Variants in CARMIL1 observed in about 807,000 individuals in gnomAD.
The protein encoded by CARMIL1 is capping protein regulator and myosin 1 linker 1.
CARMIL1 carries 90 observed loss-of-function variants against 177.1 expected under a neutral mutation model. The observed-to-expected ratio is 0.51, with a 90% CI of 0.43 to 0.61. The LOEUF is 0.61. Among genes scored for constraint, CARMIL1 ranks in the 20% least tolerant of loss-of-function variants. The pLI is 0.00. For missense variants in CARMIL1, 1,380 were observed against 1,667.0 expected, an observed-to-expected ratio of 0.83 and a Z score of 3.00; for synonymous variants, 577 against 606.2, an observed-to-expected ratio of 0.95 and a Z score of 0.71.
chr6:25,495,331 G>T, intron 16 of CARMIL1, 116 bp downstream of exon 16: 1 of 605,142 alleles, frequency 1.7e-6, no homozygotes. Context: ...AGATGAGAAT[G>T]CCTTTTTACT....
chr6:25,450,049 C>A, intron 6 of CARMIL1, 54 bp downstream of exon 6: 2 of 1,418,250 alleles, frequency 1.4e-6, no homozygotes, highest in Non-Finnish European at 1.9e-6. Context: ...TATCCCCCTG[C>A]CAGGAAGTTA....
chr6:25,485,321 T>C (rs539110569), intron 12 of CARMIL1, among the ~76,000 whole-genome samples: 1 of 152,320 alleles, frequency 6.6e-6, no homozygotes, highest in East Asian at 1.9e-4. Context: ...ATAAGGGTCC[T>C]CCCATTTATC....
chr6:25,434,078 G>T (rs568537854), intron 4 of CARMIL1, among the ~76,000 whole-genome samples: 1 of 152,102 alleles, frequency 6.6e-6, no homozygotes, highest in African/African-American at 2.4e-5. Flanking sequence ...AATTTTTTGG[G>T]GGGTAGGAAG....
chr6:25,381,008 T>C (rs1791472893), intron 2 of CARMIL1, among the ~76,000 whole-genome samples: 1 of 152,210 alleles, frequency 6.6e-6, no homozygotes, highest in Non-Finnish European at 1.5e-5. Context: ...TGTTGTATTG[T>C]TAGAGAAAGT....
At chr6:25,518,538 G>T (rs116616311) in intron 22 of CARMIL1, among the ~76,000 whole-genome samples, 2,839 of 152,226 alleles carry the variant, frequency 0.019, 66 homozygotes, top group African/African-American at 0.056. Context: ...TATCAGTTTT[G>T]CATTGCCACT....
intron 2 of CARMIL1, among the ~76,000 whole-genome samples, chr6:25,412,194 T>C (rs1167895103): frequency 6.6e-6 from 1 of 152,250 alleles, no homozygotes; most frequent in East Asian, 1.9e-4. Flanking sequence ...GCAATTCTCA[T>C]GTGCCAGCAC....
At chr6:25,579,577 C>T (rs969243075) in intron 29 of CARMIL1, among the ~76,000 whole-genome samples, 3 of 152,186 alleles carry the variant, frequency 2.0e-5, no homozygotes, top group Non-Finnish European at 4.4e-5. Context: ...GATTCCTTTC[C>T]ATTTGCATTG....
intron 2 of CARMIL1, among the ~76,000 whole-genome samples, chr6:25,379,007 T>C (rs147263617): frequency 6.6e-6 from 1 of 152,172 alleles, no homozygotes; most frequent in Non-Finnish European, 1.5e-5. Context: ...AGTCATTTTC[T>C]GGTTGTATGG....
rs189571901 is a variant in CARMIL1 at position 25,379,940 on chromosome 6, T to G, written c.139-40174T>G. On this transcript the variant is annotated intron_variant, in intron 2 of 36. Coordinates refer to ENST00000329474, the MANE Select transcript of CARMIL1 (RefSeq NM_017640.6). ...GTTCTACTTTGTATAGCCTTACATTTCTTTTGAACTTCTTTATGCACTTTT... is the reference window on the plus strand; with the variant it reads ...GTTCTACTTTGTATAGCCTTACATTGCTTTTGAACTTCTTTATGCACTTTT... Among the ~76,000 whole-genome samples, 5 of 151,824 alleles carry G rather than the reference T, an allele frequency of 3.3e-5. No homozygotes were observed. In the East Asian group the frequency reaches 1.0e-3, roughly 30 times the overall value.
chr6:25,279,503 C>T lies in CARMIL1; in HGVS notation c.-293C>T, dbSNP rs1780895666. The T allele has an allele frequency of 6.0e-6, 3 of 496,218 alleles. No individual in the cohort carries two copies. The highest frequency in any genetic ancestry group is 1.1e-5 in the Non-Finnish European group (3 of 274,034). The allele number at this position is 496,218 out of a possible 1,614,324, so 30.7% of individuals were successfully genotyped here. On this transcript the variant is annotated 5_prime_UTR_variant, in exon 1 of 37. Coordinates refer to ENST00000329474, the MANE Select transcript of CARMIL1 (RefSeq NM_017640.6). Reference sequence around the variant, plus strand: ...AGGAGGAGCAGGCGCCACAGCCGCCCCGCGCCCCGCGCCCGCTTGTAATCC... The same window carrying T: ...AGGAGGAGCAGGCGCCACAGCCGCCTCGCGCCCCGCGCCCGCTTGTAATCC...
intron 23 of CARMIL1, among the ~76,000 whole-genome samples, chr6:25,524,784 A>T (rs1203427281): frequency 1.3e-5 from 2 of 152,166 alleles, no homozygotes; most frequent in Non-Finnish European, 2.9e-5. Flanking sequence ...AAAGCTCTTA[A>T]GAAAAAAAAA....
chr6:25,357,960 A>C (rs1788800163), intron 2 of CARMIL1, among the ~76,000 whole-genome samples: 2 of 152,206 alleles, frequency 1.3e-5, no homozygotes, highest in African/African-American at 4.8e-5. Flanking sequence ...GAATCTTTTC[A>C]GTTATAACTG....
At chr6:25,562,375 G>A (rs1215168704) in intron 29 of CARMIL1, among the ~76,000 whole-genome samples, 8 of 152,034 alleles carry the variant, frequency 5.3e-5, no homozygotes, top group Non-Finnish European at 8.8e-5. Flanking sequence ...AGCCTCCTGA[G>A]TAGCTGGGAT....
intron 1 of CARMIL1, 51 bp downstream of exon 1, chr6:25,279,886 C>T (rs1338006825): frequency 1.3e-6 from 2 of 1,587,052 alleles, no homozygotes; most frequent in Non-Finnish European, 1.7e-6. Flanking sequence ...GTACTCCTCA[C>T]CTCTCTCTCC....
intron 2 of CARMIL1, among the ~76,000 whole-genome samples, chr6:25,366,829 C>T (rs116072068): frequency 6.6e-6 from 1 of 151,986 alleles, no homozygotes; most frequent in African/African-American, 2.4e-5. Flanking sequence ...CTTTTCTTGC[C>T]TACTTAAAAT....
chr6:25,313,920 G>A (rs1005967230), intron 2 of CARMIL1, among the ~76,000 whole-genome samples: 7 of 151,476 alleles, frequency 4.6e-5, no homozygotes, highest in African/African-American at 1.7e-4. Flanking sequence ...ATGAGACTTG[G>A]AAGGGAAGAG....
intron 5 of CARMIL1, among the ~76,000 whole-genome samples, chr6:25,437,292 A>T (rs1443063319): frequency 6.6e-6 from 1 of 152,232 alleles, no homozygotes; most frequent in African/African-American, 2.4e-5. Flanking sequence ...TCAGAGCAAT[A>T]TCTAGAATCT....
At chr6:25,483,348 A>G (rs1319107787) in intron 12 of CARMIL1, among the ~76,000 whole-genome samples, 1 of 152,156 alleles carries the variant, frequency 6.6e-6, no homozygotes, top group East Asian at 1.9e-4. Flanking sequence ...TGACTTTTCT[A>G]CTTATGTATG....
chr6:25,600,775 CATTT>C, intron 33 of CARMIL1, 29 bp downstream of exon 33: 3 of 1,444,160 alleles, frequency 2.1e-6, no homozygotes, highest in Non-Finnish European at 2.7e-6. Context: ...TTAATTCATT[CATTT>C]ATTTGATATA....
Sources: gnomAD v4.1 joint callset for allele counts (sites outside exome capture counted in the v4.1 genomes callset) on GRCh38, gnomAD v4.1.1 for gene constraint, MANE v1.5 for transcripts, NCBI Gene and HGNC (gene_info 2026-07-23, HGNC 2026-07-21) for gene names.